The following TRIO variants were observed in gnomAD, a reference collection of about 807,000 sequenced individuals.
TRIO encodes trio Rho guanine nucleotide exchange factor.
In TRIO, 58 loss-of-function variants were observed where a neutral mutation model predicts 351.9. The ratio of observed to expected loss-of-function variants is 0.16; its 90% CI spans 0.13 to 0.21. The LOEUF (loss-of-function observed/expected upper bound fraction) is 0.21, where lower values mean the gene tolerates loss of function less well. Among genes scored for constraint, TRIO ranks in the 10% least tolerant of loss-of-function variants. The probability of loss-of-function intolerance (pLI) is 1.00; values close to 1 mark genes in which losing one functional copy is unlikely to be tolerated. For synonymous variants in TRIO, 1,758 were observed against 1,595.7 expected (o/e 1.10, Z -2.42); for missense variants, 3,201 against 4,027.8 (o/e 0.79, Z 5.56).
At position 14,508,574 on chromosome 5, in the gene TRIO, G is replaced by A; in HGVS notation, c.*152G>A. ...AAGTGAGCTGTGCTCAGCAGTGCTT[G>A]GACACAGAGCTGCAAGCTGCGCTGG... is the stretch of plus-strand genomic sequence containing the variant. On this transcript the variant is annotated 3_prime_UTR_variant, in exon 57 of 57. Coordinates refer to ENST00000344204, the MANE Select transcript of TRIO (RefSeq NM_007118.4). The A allele has an allele frequency of 9.8e-7, 1 of 1,025,378 alleles. No homozygotes were observed. Among genetic ancestry groups the A allele is most frequent in the South Asian group, 1.7e-5 (1 of 58,882 alleles). 63.5% of individuals were successfully genotyped at this position (1,025,378 alleles called of 1,614,324 possible). A position where few individuals can be genotyped will look rare whatever the true frequency, so the allele number is the denominator to read the frequency against.
At chr5:14,161,435 A>G (rs1788451348) in intron 1 of TRIO, among the ~76,000 whole-genome samples, 1 of 152,000 alleles carries the variant, frequency 6.6e-6, no homozygotes, top group African/African-American at 2.4e-5. Context: ...CTTGAGGCCC[A>G]TTGGTGTTGG....
intron 6 of TRIO, among the ~76,000 whole-genome samples, chr5:14,295,555 C>G (rs1737287418): frequency 6.6e-6 from 1 of 152,230 alleles, no homozygotes; most frequent in Admixed American, 6.5e-5. Context: ...AAGGAGACAT[C>G]TCTTCTCCAG....
chr5:14,375,175 A>G (rs957520873), intron 19 of TRIO, among the ~76,000 whole-genome samples: 58 of 152,242 alleles, frequency 3.8e-4, no homozygotes, highest in African/African-American at 1.4e-3. Flanking sequence ...TCAGTAAAAC[A>G]TATTTATTGA....
chr5:14,430,463 C>G (rs1751004532), intron 34 of TRIO, among the ~76,000 whole-genome samples: 1 of 151,960 alleles, frequency 6.6e-6, no homozygotes, highest in South Asian at 2.1e-4. Context: ...GAGCAAGTAA[C>G]TTCCCTTCCC....
intron 1 of TRIO, among the ~76,000 whole-genome samples, chr5:14,263,733 A>G (rs1291698059): frequency 1.3e-5 from 2 of 152,168 alleles, no homozygotes; most frequent in African/African-American, 2.4e-5. Context: ...AGAACCCTAT[A>G]TGTGCATGTA....
Position 14,281,429 on chromosome 5 carries a change from C to G in TRIO, c.347+993C>G, listed in dbSNP as rs1367180228. On this transcript the variant is annotated intron_variant, in intron 3 of 56. Coordinates refer to ENST00000344204, the MANE Select transcript of TRIO (RefSeq NM_007118.4). ...GATGGTGCTAAGCCGTTAGAACCCC[C>G]CCCCCCCGCCCCGTGATCCAATTAC... Among the ~76,000 whole-genome samples the G allele has an allele frequency of 2.4e-4, 29 of 121,312 alleles. 1 individual carries two copies. The highest frequency in any genetic ancestry group is 3.8e-4 in the South Asian group (1 of 2,618). The allele number at this position is 121,312 out of a possible 152,430, so 79.6% of individuals were successfully genotyped here. A position where few individuals can be genotyped will look rare whatever the true frequency, so the allele number is the denominator to read the frequency against.
intron 1 of TRIO, among the ~76,000 whole-genome samples, chr5:14,146,674 CAG>C (rs1004454703): frequency 3.9e-5 from 6 of 152,220 alleles, no homozygotes; most frequent in African/African-American, 1.2e-4. Flanking sequence ...GAGTTGGGCT[CAG>C]GGGACAGGAC....
In TRIO at chr5:14,462,924, A is replaced by T. The variant is rs761799560; in HGVS notation, c.5666A>T (p.Lys1889Met). 12 of 1,586,706 alleles carry T rather than the reference A, an allele frequency of 7.6e-6. No individual in the cohort carries two copies. The East Asian group carries it at 2.2e-4, about 30-fold the overall frequency. Residue 1889 changes from lysine (K) to methionine (M), a missense_variant and splice_region_variant, in exon 36 of 57, where the codon AAG becomes ATG. This residue lies in a region of TRIO where 307 missense variants were observed against 396.5 expected (regional missense o/e 0.77). Transcript: ENST00000344204. ...CTCCAGCCAGACTCACAGGATGACA[A>T]GGTAAAGGGGGATGAGGGCTGGGGA... ...SLLQPDSQDD[K>M]ASSRLLVRPT...
Position 14,487,768 on chromosome 5 carries a change from C to G in TRIO, c.7140C>G (p.Gly2380=). The stretch of plus-strand genomic sequence containing the variant: ...CCGGGCCCTCCCTGCCTCCCCCTGG[C>G]GCGGCCCCCGAGGCCGGCCCCAGCG... ...STPGPSLPPP[G]AAPEAGPSAP... Residue 2380 remains glycine, a synonymous_variant, in exon 48 of 57, where the codon GGC becomes GGG. Transcript: ENST00000344204. 1 of 1,369,190 alleles carries G rather than the reference C, an allele frequency of 7.3e-7. No individual in the cohort carries two copies. The highest frequency in any genetic ancestry group is 9.5e-7 in the Non-Finnish European group (1 of 1,058,188). 84.8% of individuals were successfully genotyped at this position (1,369,190 alleles called of 1,614,324 possible).
At chr5:14,403,910 G>C (rs1278495494) in intron 31 of TRIO, among the ~76,000 whole-genome samples, 1 of 144,474 alleles carries the variant, frequency 6.9e-6, no homozygotes, top group Non-Finnish European at 1.5e-5. Flanking sequence ...GGTGGTGGTG[G>C]TGAGGGTGTA....
At chr5:14,223,408 T>C (rs1792774830) in intron 1 of TRIO, among the ~76,000 whole-genome samples, 1 of 152,118 alleles carries the variant, frequency 6.6e-6, no homozygotes. Flanking sequence ...CTTTGAGAGC[T>C]CCTCCAGGAG....
Position 14,143,833 on chromosome 5 carries a change from A to C in TRIO, c.108A>C (p.Ala36=). The C allele has an allele frequency of 2.8e-6, 3 of 1,065,094 alleles. No homozygotes were observed. The highest frequency in any genetic ancestry group is 3.4e-6 in the Non-Finnish European group (3 of 883,188). The allele number at this position is 1,065,094 out of a possible 1,614,324, so 66.0% of individuals were successfully genotyped here. ...SGCGGGAGEG[A]EEAAKDLADI... ...GCGGGGGCGGTGCCGGCGAGGGGGCAGAGGAGGCGGCCAAGGACCTGGCCG... is the reference window on the plus strand; with the variant it reads ...GCGGGGGCGGTGCCGGCGAGGGGGCCGAGGAGGCGGCCAAGGACCTGGCCG... Residue 36 remains alanine (A), a synonymous_variant, in exon 1 of 57, where the codon GCA becomes GCC. Transcript: ENST00000344204.
At chr5:14,443,437 A>G (rs1752214464) in intron 34 of TRIO, among the ~76,000 whole-genome samples, 2 of 152,316 alleles carry the variant, frequency 1.3e-5, no homozygotes, top group South Asian at 2.1e-4. Context: ...TTCTGATTTT[A>G]CCTATTAAAT....
intron 49 of TRIO, among the ~76,000 whole-genome samples, chr5:14,495,184 TAG>T (rs1311030665): frequency 6.6e-6 from 1 of 152,122 alleles, no homozygotes; most frequent in Non-Finnish European, 1.5e-5. Flanking sequence ...GCAAGAAAAA[TAG>T]GATCAGAAAT....
intron 11 of TRIO, 42 bp from the exon 12 acceptor site, chr5:14,358,136 C>CA: frequency 6.3e-7 from 1 of 1,582,446 alleles, no homozygotes; most frequent in Non-Finnish European, 8.6e-7. Context: ...CCTGGTGGTG[C>CA]AGCCAGGCCG....
At chr5:14,418,285 G>A (rs1320644109) in intron 33 of TRIO, among the ~76,000 whole-genome samples, 2 of 152,160 alleles carry the variant, frequency 1.3e-5, no homozygotes, top group Non-Finnish European at 1.5e-5. Flanking sequence ...GCCTTTGTGT[G>A]TGAGGGTTTT....
At chr5:14,380,387 C>T (rs1240423753) in intron 20 of TRIO, among the ~76,000 whole-genome samples, 3 of 152,128 alleles carry the variant, frequency 2.0e-5, no homozygotes, top group Admixed American at 6.5e-5. Context: ...GTCCAGGAGG[C>T]GCAGACCTCT....
chr5:14,309,589 A>G (rs1305994634), intron 8 of TRIO, among the ~76,000 whole-genome samples: 1 of 152,198 alleles, frequency 6.6e-6, no homozygotes, highest in Non-Finnish European at 1.5e-5. Flanking sequence ...GTGAATCTCC[A>G]TTTTCAGAGG....
intron 1 of TRIO, among the ~76,000 whole-genome samples, chr5:14,220,965 G>A (rs1222193250): frequency 6.6e-6 from 1 of 152,232 alleles, no homozygotes; most frequent in African/African-American, 2.4e-5. Context: ...GACTTTCACA[G>A]CTAGAGAGGA....
Sources: gnomAD v4.1 joint callset for allele counts (sites outside exome capture counted in the v4.1 genomes callset) on GRCh38, gnomAD v4.1.1 for gene constraint, gnomAD v4.1.1 regional missense constraint, MANE v1.5 for transcripts, NCBI Gene and HGNC (gene_info 2026-07-23, HGNC 2026-07-21) for gene names.